HS3ST4: variants seen among roughly 807,000 people sequenced by gnomAD.
HS3ST4 encodes the protein heparan sulfate-glucosamine 3-sulfotransferase 4.
In HS3ST4, 17 loss-of-function variants were observed where a neutral mutation model predicts 29.2. That is an observed-to-expected ratio of 0.58 (90% CI 0.40 to 0.87). The LOEUF (loss-of-function observed/expected upper bound fraction) is 0.87, where lower values mean the gene tolerates loss of function less well. Ranked by LOEUF, HS3ST4 falls within the 40% of genes least tolerant of loss-of-function variation. HS3ST4 has a pLI of 0.00. For missense variants in HS3ST4, 627 were observed against 634.5 expected (o/e 0.99, Z 0.13); for synonymous variants, 314 against 285.7 (o/e 1.10, Z -1.00).
intron 1 of HS3ST4, among the ~76,000 whole-genome samples, chr16:25,905,052 G>A (rs1968166231): frequency 6.6e-6 from 1 of 152,110 alleles, no homozygotes; most frequent in African/African-American, 2.4e-5. Flanking sequence ...GGAGGCATGG[G>A]TCAGTTATTA....
At chr16:25,915,333 C>T (rs142343637) in intron 1 of HS3ST4, among the ~76,000 whole-genome samples, 40 of 152,268 alleles carry the variant, frequency 2.6e-4, no homozygotes, top group African/African-American at 9.4e-4. Context: ...GAATCTTGGC[C>T]TGGAGTGAGA....
chr16:25,707,593 G>C (rs567716974), intron 1 of HS3ST4, among the ~76,000 whole-genome samples: 14 of 152,186 alleles, frequency 9.2e-5, no homozygotes, highest in Non-Finnish European at 1.6e-4. Flanking sequence ...ACTGTTGCTG[G>C]CTTTGGCAAT....
chr16:25,970,013 T>C (rs1968880416), intron 1 of HS3ST4, among the ~76,000 whole-genome samples: 1 of 152,210 alleles, frequency 6.6e-6, no homozygotes, highest in Admixed American at 6.5e-5. Flanking sequence ...CAGTCAGTAA[T>C]TGTGGACTAA....
chr16:25,865,711 A>G (rs1478670758), intron 1 of HS3ST4, among the ~76,000 whole-genome samples: 1 of 152,218 alleles, frequency 6.6e-6, no homozygotes, highest in African/African-American at 2.4e-5. Flanking sequence ...TGCCAAGACC[A>G]TGCAATAGGG....
chr16:25,831,395 C>CCACACACACACA (rs555584666), intron 1 of HS3ST4, among the ~76,000 whole-genome samples: 8 of 101,560 alleles, frequency 7.9e-5, no homozygotes, highest in South Asian at 3.3e-4. Flanking sequence ...GACCCCGTCT[C>CCACACACACACA]TACACACACA....
chr16:26,076,974 A>G (rs1263486127), intron 1 of HS3ST4, among the ~76,000 whole-genome samples: 2 of 152,230 alleles, frequency 1.3e-5, no homozygotes, highest in African/African-American at 2.4e-5. Context: ...CTAGTGCTGC[A>G]TAACAAAATG....
chr16:25,795,021 G>A (rs1328985727), intron 1 of HS3ST4, among the ~76,000 whole-genome samples: 1 of 149,672 alleles, frequency 6.7e-6, no homozygotes. Context: ...GCCTGGGCAG[G>A]AGTGCAATGG....
intron 1 of HS3ST4, among the ~76,000 whole-genome samples, chr16:26,010,689 C>T (rs930915608): frequency 2.0e-5 from 3 of 151,974 alleles, no homozygotes; most frequent in Non-Finnish European, 4.4e-5. Flanking sequence ...AGATGTTCTG[C>T]GTAGCACTTA....
chr16:25,743,001 C>T (rs4787751), intron 1 of HS3ST4, among the ~76,000 whole-genome samples: 139,801 of 152,234 alleles, frequency 0.92, 64,229 homozygotes, highest in East Asian at 1. Context: ...AACCAGAATC[C>T]CATTGAACTT....
chr16:25,983,295 G>A (rs1969027245), intron 1 of HS3ST4, among the ~76,000 whole-genome samples: 1 of 152,050 alleles, frequency 6.6e-6, no homozygotes, highest in South Asian at 2.1e-4. Context: ...AGGTAGAAGA[G>A]CCCCCCTTGC....
At chr16:25,889,138 A>G (rs1967982509) in intron 1 of HS3ST4, among the ~76,000 whole-genome samples, 1 of 152,178 alleles carries the variant, frequency 6.6e-6, no homozygotes, top group Admixed American at 6.5e-5. Flanking sequence ...CAGGAGGAGA[A>G]GTCGAATGTG....
At chr16:25,755,756 T>A (rs1966753693) in intron 1 of HS3ST4, among the ~76,000 whole-genome samples, 1 of 152,228 alleles carries the variant, frequency 6.6e-6, no homozygotes, top group Admixed American at 6.5e-5. Flanking sequence ...TACAATGGGC[T>A]GGCCATCAAA....
At chr16:25,968,563 C>T (rs1220949160) in intron 1 of HS3ST4, among the ~76,000 whole-genome samples, 2 of 152,086 alleles carry the variant, frequency 1.3e-5, no homozygotes, top group African/African-American at 2.4e-5. Flanking sequence ...TTCATGTATC[C>T]GTATCAATAA....
At chr16:25,929,452 T>G (rs1968442217) in intron 1 of HS3ST4, among the ~76,000 whole-genome samples, 1 of 152,102 alleles carries the variant, frequency 6.6e-6, no homozygotes, top group African/African-American at 2.4e-5. Context: ...ACCAGTACTA[T>G]CCTCCAGGTT....
intron 1 of HS3ST4, among the ~76,000 whole-genome samples, chr16:26,108,032 GGAAAATAGAGGT>G (rs1899079923): frequency 6.6e-6 from 1 of 152,016 alleles, no homozygotes; most frequent in South Asian, 2.1e-4. Flanking sequence ...TATTTTCTAT[GGAAAATAGAGGT>G]TGTGCTAATT....
At chr16:26,075,271 A>G (rs1403005413) in intron 1 of HS3ST4, among the ~76,000 whole-genome samples, 1 of 152,172 alleles carries the variant, frequency 6.6e-6, no homozygotes. Context: ...CTCTCCTGCA[A>G]TATGGGCTAG....
chr16:26,125,948 A>G (rs1047671477), intron 1 of HS3ST4, among the ~76,000 whole-genome samples: 1 of 152,216 alleles, frequency 6.6e-6, no homozygotes, highest in Non-Finnish European at 1.5e-5. Flanking sequence ...GTATTTTGCT[A>G]GTTATCTTCT....
intron 1 of HS3ST4, among the ~76,000 whole-genome samples, chr16:26,130,126 A>C (rs1482154644): frequency 6.6e-6 from 1 of 152,180 alleles, no homozygotes; most frequent in Non-Finnish European, 1.5e-5. Flanking sequence ...GTGTCTCATA[A>C]ACATTTGGGG....
chr16:26,107,808 T>C (rs1173413195), intron 1 of HS3ST4, among the ~76,000 whole-genome samples: 1 of 152,176 alleles, frequency 6.6e-6, no homozygotes, highest in African/African-American at 2.4e-5. Flanking sequence ...GGCTCTTAGG[T>C]TGGTGCCCTA....
Sources: allele counts gnomAD v4.1 joint callset (sites outside exome capture counted in the v4.1 genomes callset), GRCh38; gene constraint gnomAD v4.1.1; transcripts MANE v1.5; gene names NCBI Gene and HGNC (gene_info 2026-07-23, HGNC 2026-07-21).